PCYT1B: variants seen among roughly 807,000 people sequenced by gnomAD.
PCYT1B encodes phosphate cytidylyltransferase 1B, choline.
In PCYT1B, 10 loss-of-function variants were observed where a neutral mutation model predicts 26.4. The ratio of observed to expected loss-of-function variants is 0.38; its 90% CI spans 0.23 to 0.64. The LOEUF (loss-of-function observed/expected upper bound fraction) is 0.64, where lower values mean the gene tolerates loss of function less well. PCYT1B is among the 30% of genes least tolerant of loss of function. The pLI is 0.56. For missense variants in PCYT1B, 161 were observed against 292.7 expected (o/e 0.55, Z 3.28); for synonymous variants, 131 against 108.4 (o/e 1.21, Z -1.29).
At chrX:24,565,438 T>G (rs970706268) in intron 7 of PCYT1B, among the ~76,000 whole-genome samples, 6 of 110,688 alleles carry the variant, frequency 5.4e-5, no homozygotes, top group Non-Finnish European at 1.1e-4. Flanking sequence ...GCTGGGTCTT[T>G]GATAATGCCC....
chrX:24,594,784 A>G (rs1316900881), intron 3 of PCYT1B, among the ~76,000 whole-genome samples: 1 of 111,633 alleles, frequency 9.0e-6, no homozygotes, highest in Non-Finnish European at 1.9e-5. Context: ...GGATGAATTC[A>G]TTGAGCTATC....
At chrX:24,564,644 G>A (rs930889569) in intron 7 of PCYT1B, among the ~76,000 whole-genome samples, 3 of 110,909 alleles carry the variant, frequency 2.7e-5, no homozygotes, top group Admixed American at 9.5e-5. Context: ...GAGCCACCGC[G>A]CCCGGCCAGT....
intron 1 of PCYT1B, among the ~76,000 whole-genome samples, chrX:24,657,503 GGAT>G (rs1287722922): frequency 8.9e-6 from 1 of 112,109 alleles, no homozygotes. Flanking sequence ...CCACAAAATT[GGAT>G]GATAGTTTAT....
intron 7 of PCYT1B, 131 bp from the exon 8 acceptor site, chrX:24,562,636 A>G (rs1820170572): frequency 1.4e-5 from 7 of 516,398 alleles, no homozygotes; most frequent in Non-Finnish European, 2.3e-5. Flanking sequence ...CTCATACCAC[A>G]TCCCGTGTTG....
chrX:24,670,104 GA>G lies in PCYT1B; in HGVS notation c.63+2465del, dbSNP rs1569261884. Among the ~76,000 whole-genome samples, 393 of 79,256 alleles carry G rather than the reference GA, an allele frequency of 5.0e-3. 2 individuals are homozygous for G. The highest frequency in any genetic ancestry group is 0.012 in the African/African-American group (224 of 19,131). 68.8% of individuals were successfully genotyped at this position (79,256 alleles called of 115,157 possible). A position where few individuals can be genotyped will look rare whatever the true frequency, so the allele number is the denominator to read the frequency against. On this transcript the variant is annotated intron_variant, in intron 1 of 7. Transcript: ENST00000379145. Reference sequence around the variant, plus strand: ...AGAAAGAAAGAAAGAAAGAAAGAAAGAAAGAAAGAAAGGAAGGAAGGAAGGA... The same window carrying G: ...AGAAAGAAAGAAAGAAAGAAAGAAAGAAGAAAGAAAGGAAGGAAGGAAGGA...
chrX:24,651,469 AAAAATATATAT>A (rs1220640569), upstream of PCYT1B, among the ~76,000 whole-genome samples: 6 of 39,552 alleles, frequency 1.5e-4, no homozygotes, highest in African/African-American at 5.8e-4. Flanking sequence ...AAAAAAAAAA[AAAAATATATAT>A]ATATATATAT....
chrX:24,647,738 G>A (rs991712410), upstream of PCYT1B, among the ~76,000 whole-genome samples: 1 of 111,494 alleles, frequency 9.0e-6, no homozygotes, highest in Non-Finnish European at 1.9e-5. Context: ...CAAATTCATT[G>A]TGCTAATTGC....
In PCYT1B at chrX:24,590,171, C is replaced by G; in HGVS notation, c.338G>C (p.Cys113Ser). Reference sequence around the variant, plus strand: ...GAATTTGTGGGTGAGATCATCACTGCAAACTAAAACAGGCAAATGCATTAA... The same window carrying G: ...GAATTTGTGGGTGAGATCATCACTGGAAACTAAAACAGGCAAATGCATTAA... ...FPNSYLLVGV[C>S]SDDLTHKFKG... Residue 113 changes from cysteine to serine, a missense_variant, in exon 4 of 8, where the codon TGC (cysteine) becomes TCC (serine). This residue lies in a region of PCYT1B where 65 missense variants were observed against 145.0 expected (regional missense o/e 0.45). Transcript: ENST00000379144. 8.3e-7 allele frequency: 1 copy of G among 1,207,232 alleles called. No individual in the cohort carries two copies. The highest frequency in any genetic ancestry group is 1.1e-6 in the Non-Finnish European group (1 of 892,813).
At chrX:24,646,773 C>G (rs192283143) in intron 1 of PCYT1B, among the ~76,000 whole-genome samples, 2 of 111,408 alleles carry the variant, frequency 1.8e-5, no homozygotes, top group Non-Finnish European at 3.8e-5. Context: ...CCAAGCAGCC[C>G]GTTTCCTACC....
intron 1 of PCYT1B, among the ~76,000 whole-genome samples, chrX:24,632,942 G>A (rs1356588175): frequency 9.0e-6 from 1 of 111,595 alleles, no homozygotes; most frequent in African/African-American, 3.3e-5. Context: ...GGGCACGGTG[G>A]CTCACGCCTG....
chrX:24,591,884 C>T (rs1924577608), intron 3 of PCYT1B, among the ~76,000 whole-genome samples: 1 of 111,993 alleles, frequency 8.9e-6, no homozygotes, highest in Non-Finnish European at 1.9e-5. Context: ...TCACCTCATA[C>T]CTTTATCATT....
At chrX:24,567,468 G>T (rs184069335) in intron 7 of PCYT1B, among the ~76,000 whole-genome samples, 2 of 112,023 alleles carry the variant, frequency 1.8e-5, no homozygotes, top group East Asian at 5.6e-4. Flanking sequence ...AAGCACTTTA[G>T]AAATATAACA....
At chrX:24,652,223 G>A (rs144327644), upstream of PCYT1B, among the ~76,000 whole-genome samples, 1 of 112,282 alleles carries the variant, frequency 8.9e-6, no homozygotes, top group Non-Finnish European at 1.9e-5. Flanking sequence ...TTAGCACTAT[G>A]GTATTAGGTT....
chrX:24,599,477 C>G (rs1021271166), intron 3 of PCYT1B, among the ~76,000 whole-genome samples: 1 of 111,796 alleles, frequency 8.9e-6, no homozygotes. Flanking sequence ...CTGCCTCATT[C>G]TAGCAGTCAG....
upstream of PCYT1B, among the ~76,000 whole-genome samples, chrX:24,647,852 C>T (rs1289755327): frequency 8.9e-6 from 1 of 112,220 alleles, no homozygotes; most frequent in African/African-American, 3.2e-5. Flanking sequence ...CCTGGTGTAG[C>T]CCTGGAGCCC....
At chrX:24,658,007 C>A (rs893570878) in intron 1 of PCYT1B, 41 of 110,968 alleles carry the variant, frequency 3.7e-4, no homozygotes, top group African/African-American at 1.3e-3. Flanking sequence ...ATTGGTGTAC[C>A]ATAACCAGAT....
At chrX:24,613,182 C>T (rs752746510) in intron 2 of PCYT1B, among the ~76,000 whole-genome samples, 5 of 111,969 alleles carry the variant, frequency 4.5e-5, no homozygotes, top group Non-Finnish European at 9.4e-5. Context: ...AAACTACATG[C>T]TGATATGAAT....
At chrX:24,642,046 T>C (rs1311846214) in intron 1 of PCYT1B, among the ~76,000 whole-genome samples, 3 of 113,017 alleles carry the variant, frequency 2.7e-5, no homozygotes, top group Non-Finnish European at 5.6e-5. Flanking sequence ...CCTCAATGGA[T>C]AAAAAATAGC....
chrX:24,668,697 G>T (rs375606384), intron 1 of PCYT1B, among the ~76,000 whole-genome samples: 31 of 107,891 alleles, frequency 2.9e-4, no homozygotes, highest in East Asian at 8.9e-4. Flanking sequence ...AAGGAGGAAG[G>T]TTCCTTCCTC....
Sources: allele counts gnomAD v4.1 joint callset (sites outside exome capture counted in the v4.1 genomes callset), GRCh38; gene constraint gnomAD v4.1.1; regional missense constraint gnomAD v4.1.1; transcripts MANE v1.5; gene names NCBI Gene and HGNC (gene_info 2026-07-23, HGNC 2026-07-21).